Variants in TRAPPC9 observed in about 807,000 individuals in gnomAD.
TRAPPC9 encodes the protein IKK2 binding protein.
TRAPPC9 carries 83 observed loss-of-function variants against 124.0 expected under a neutral mutation model. That is an observed-to-expected ratio of 0.67 (90% CI 0.56 to 0.80). The LOEUF is 0.80. Among genes scored for constraint, TRAPPC9 ranks in the 30% least tolerant of loss-of-function variants. The pLI, the probability that TRAPPC9 is intolerant of heterozygous loss-of-function variation, is 0.00. For synonymous variants in TRAPPC9, 638 were observed against 617.5 expected (o/e 1.03, Z -0.49); for missense variants, 1,302 against 1,508.3 (o/e 0.86, Z 2.27).
Position 140,409,883 on chromosome 8 carries a change from C to T in TRAPPC9, c.887-4185G>A, listed in dbSNP as rs562113558. ...TGGGCGCAGTGGCTCACACCTATAACCCCAGCACTTTGGGAGGCCAAGGAA... is the reference window on the plus strand; with the variant it reads ...TGGGCGCAGTGGCTCACACCTATAATCCCAGCACTTTGGGAGGCCAAGGAA... On this transcript the variant is annotated intron_variant, in intron 5 of 22. Transcript: ENST00000438773. Among the ~76,000 whole-genome samples the T allele has an allele frequency of 1.0e-3, 153 of 151,916 alleles. 1 individual carries two copies. The highest frequency in any genetic ancestry group is 1.8e-3 in the Non-Finnish European group (125 of 67,918).
intron 17 of TRAPPC9, among the ~76,000 whole-genome samples, chr8:140,161,163 G>C (rs1211488774): frequency 1.3e-5 from 2 of 152,132 alleles, no homozygotes; most frequent in Non-Finnish European, 2.9e-5. Context: ...CAGCAGGGGA[G>C]GAGAACACAT....
At chr8:139,782,225 T>C (rs1221375108) in intron 21 of TRAPPC9, among the ~76,000 whole-genome samples, 2 of 151,672 alleles carry the variant, frequency 1.3e-5, no homozygotes, top group East Asian at 3.9e-4. Flanking sequence ...ACTAAAAATA[T>C]AAAAATTAGC....
intron 17 of TRAPPC9, among the ~76,000 whole-genome samples, chr8:140,121,669 T>A (rs947363785): frequency 6.6e-5 from 10 of 152,248 alleles, no homozygotes; most frequent in Non-Finnish European, 1.2e-4. Context: ...CAAAATTGCA[T>A]GTCTATCCTA....
upstream of TRAPPC9, chr8:140,457,853 G>C: frequency 3.6e-6 from 4 of 1,120,488 alleles, no homozygotes; most frequent in South Asian, 2.2e-5. Context: ...GTAGGAGCGA[G>C]GGAGAAAAGA....
At chr8:140,387,355 A>G (rs971001733) in intron 7 of TRAPPC9, among the ~76,000 whole-genome samples, 51 of 152,348 alleles carry the variant, frequency 3.3e-4, no homozygotes, top group African/African-American at 1.1e-3. Flanking sequence ...AATGGCAACA[A>G]AAGCCAAAAT....
At chr8:140,175,451 AGTT>A (rs2062047447) in intron 17 of TRAPPC9, among the ~76,000 whole-genome samples, 1 of 152,084 alleles carries the variant, frequency 6.6e-6, no homozygotes, top group Non-Finnish European at 1.5e-5. Flanking sequence ...TCTGAAAAAG[AGTT>A]GGTTCCAGCA....
intron 19 of TRAPPC9, among the ~76,000 whole-genome samples, chr8:139,942,387 A>T (rs74886578): frequency 0.056 from 3,279 of 58,088 alleles, 85 homozygotes; most frequent in East Asian, 0.27. Flanking sequence ...TTTTATTTTT[A>T]AAAAAAATCA....
intron 16 of TRAPPC9, among the ~76,000 whole-genome samples, chr8:140,245,858 G>C (rs1362943834): frequency 6.6e-6 from 1 of 152,168 alleles, no homozygotes; most frequent in Non-Finnish European, 1.5e-5. Context: ...ATGTGTGGTT[G>C]TCTCTTATTT....
chr8:140,243,558 G>A (rs1248342703), intron 16 of TRAPPC9, among the ~76,000 whole-genome samples: 1 of 152,186 alleles, frequency 6.6e-6, no homozygotes, highest in African/African-American at 2.4e-5. Flanking sequence ...TCCCCATGGT[G>A]TTCAAATTCA....
chr8:140,236,211 T>C (rs2063728540), intron 16 of TRAPPC9, among the ~76,000 whole-genome samples: 1 of 151,722 alleles, frequency 6.6e-6, no homozygotes, highest in African/African-American at 2.4e-5. Context: ...GCCTCCCAAG[T>C]AGCTGGGATT....
At chr8:139,998,297 G>T (rs1838169198) in intron 18 of TRAPPC9, among the ~76,000 whole-genome samples, 1 of 152,198 alleles carries the variant, frequency 6.6e-6, no homozygotes, top group Non-Finnish European at 1.5e-5. Context: ...TTTTCTAAAA[G>T]AACTGGGAAA....
intron 18 of TRAPPC9, among the ~76,000 whole-genome samples, chr8:140,018,200 T>C (rs1019078614): frequency 3.2e-4 from 49 of 152,206 alleles, no homozygotes; most frequent in Admixed American, 3.0e-3. Context: ...TGTCATTTTC[T>C]AGGTAGGGAT....
Position 139,731,239 on chromosome 8 carries a change from A to T in TRAPPC9, c.3280-11T>A. 2 of 1,612,894 alleles carry T rather than the reference A, an allele frequency of 1.2e-6. No individual in the cohort carries two copies. The highest frequency in any genetic ancestry group is 1.7e-6 in the Non-Finnish European group (2 of 1,179,780). On this transcript the variant is annotated splice_polypyrimidine_tract_variant and intron_variant, in intron 22 of 22. Coordinates refer to ENST00000438773, the MANE Select transcript of TRAPPC9 (RefSeq NM_001160372.4). ...GCCGGACGGCTGCACCTGAGCAGGG[A>T]GGAGAAAGACACATCAGTCTGGTCA...
At chr8:139,880,534 C>G (rs532389800) in intron 21 of TRAPPC9, among the ~76,000 whole-genome samples, 95 of 152,288 alleles carry the variant, frequency 6.2e-4, no homozygotes, top group Non-Finnish European at 1.1e-3. Context: ...TCCCCACCCT[C>G]CTCACAGGGG....
intron 5 of TRAPPC9, among the ~76,000 whole-genome samples, chr8:140,415,940 G>A (rs767963658): frequency 1.5e-4 from 23 of 152,078 alleles, no homozygotes; most frequent in Non-Finnish European, 1.8e-4. Context: ...TACCCTGGGC[G>A]ACAGAGCAAG....
chr8:140,005,071 A>G (rs1365186560), intron 18 of TRAPPC9, among the ~76,000 whole-genome samples: 1 of 152,170 alleles, frequency 6.6e-6, no homozygotes, highest in Non-Finnish European at 1.5e-5. Context: ...AAAACAAAGA[A>G]CAAAGAATCA....
chr8:140,169,082 A>G (rs2061909272), intron 17 of TRAPPC9, among the ~76,000 whole-genome samples: 1 of 152,200 alleles, frequency 6.6e-6, no homozygotes, highest in African/African-American at 2.4e-5. Context: ...GGGAAATATG[A>G]GCCCAGAGGA....
chr8:140,375,769 C>T (rs1475968038), intron 7 of TRAPPC9, among the ~76,000 whole-genome samples: 1 of 152,206 alleles, frequency 6.6e-6, no homozygotes, highest in Non-Finnish European at 1.5e-5. Flanking sequence ...CTAGAAAATG[C>T]CTTAACCCTC....
intron 17 of TRAPPC9, among the ~76,000 whole-genome samples, chr8:140,187,800 TAGTA>T (rs2062385772): frequency 2.6e-5 from 4 of 152,078 alleles, no homozygotes; most frequent in Non-Finnish European, 5.9e-5. Flanking sequence ...TCTGCCTCCC[TAGTA>T]GCTAGGACCA....
Sources: allele counts gnomAD v4.1 joint callset (sites outside exome capture counted in the v4.1 genomes callset), GRCh38; gene constraint gnomAD v4.1.1; transcripts MANE v1.5; gene names NCBI Gene and HGNC (gene_info 2026-07-23, HGNC 2026-07-21).